Variants in ITPR1 observed in about 807,000 individuals in gnomAD.
ITPR1 encodes inositol 1,4,5-trisphosphate receptor type 1, also known as inositol 1,4,5-trisphosphate-gated calcium channel ITPR1.
ITPR1 carries 96 observed loss-of-function variants against 318.4 expected under a neutral mutation model. That is an observed-to-expected ratio of 0.30 (90% CI 0.26 to 0.36). ITPR1 has a LOEUF of 0.36. Among genes scored for constraint, ITPR1 ranks in the 10% least tolerant of loss-of-function variants. The pLI is 1.00. For missense variants in ITPR1, 2,440 were observed against 3,460.2 expected (o/e 0.71, Z 7.40); for synonymous variants, 1,312 against 1,289.9 (o/e 1.02, Z -0.37).
chr3:4,724,566 C>T (rs2042377572), intron 40 of ITPR1: 1 of 152,250 alleles, frequency 6.6e-6, no homozygotes, highest in African/African-American at 2.4e-5. Context: ...GACTACACCT[C>T]ACACTAGTCA....
intron 4 of ITPR1, among the ~76,000 whole-genome samples, chr3:4,563,396 C>G (rs1487410691): frequency 6.6e-6 from 1 of 152,110 alleles, no homozygotes; most frequent in Non-Finnish European, 1.5e-5. Flanking sequence ...GTGGTCCCAG[C>G]TACTCAGGAG....
intron 44 of ITPR1, among the ~76,000 whole-genome samples, chr3:4,757,928 G>A (rs2045134519): frequency 6.6e-6 from 1 of 152,144 alleles, no homozygotes; most frequent in African/African-American, 2.4e-5. Flanking sequence ...TTCAAGCTGG[G>A]CAGGAGTGGG....
chr3:4,741,792 G>A (rs1575087606), intron 44 of ITPR1, among the ~76,000 whole-genome samples: 2 of 152,162 alleles, frequency 1.3e-5, no homozygotes, highest in East Asian at 3.8e-4. Flanking sequence ...CCCTGAGGAG[G>A]AGGAAAAGAT....
chr3:4,573,995 A>T (rs1049799886), intron 4 of ITPR1, among the ~76,000 whole-genome samples: 1 of 152,208 alleles, frequency 6.6e-6, no homozygotes, highest in East Asian at 1.9e-4. Flanking sequence ...AGTGCGTAAA[A>T]TAATATTTTG....
chr3:4,526,740 A>C (rs1190036748), intron 4 of ITPR1, among the ~76,000 whole-genome samples: 1 of 152,208 alleles, frequency 6.6e-6, no homozygotes, highest in Non-Finnish European at 1.5e-5. Flanking sequence ...ACTTGCCCAT[A>C]GTCAGTTAAA....
intron 13 of ITPR1, among the ~76,000 whole-genome samples, chr3:4,659,406 C>T (rs756365356): frequency 7.9e-5 from 12 of 152,150 alleles, no homozygotes; most frequent in Admixed American, 2.0e-4. Context: ...TCAGGCCGGG[C>T]GCAGTGCCTC....
At chr3:4,646,684 GGA>G (rs1207947159) in intron 10 of ITPR1, among the ~76,000 whole-genome samples, 5 of 152,158 alleles carry the variant, frequency 3.3e-5, no homozygotes, top group Admixed American at 2.6e-4. Context: ...TTTGTTGTAA[GGA>G]GAGTCTAGAA....
intron 2 of ITPR1, among the ~76,000 whole-genome samples, chr3:4,496,861 C>G (rs774948706): frequency 1.9e-4 from 29 of 152,094 alleles, no homozygotes; most frequent in Non-Finnish European, 3.8e-4. Flanking sequence ...ATAAAACAAA[C>G]ACCAAATATG....
At chr3:4,609,081 T>C (rs1317410904) in intron 4 of ITPR1, among the ~76,000 whole-genome samples, 1,323 of 92,002 alleles carry the variant, frequency 0.014, 42 homozygotes, top group Middle Eastern at 0.039. Flanking sequence ...TATATATATA[T>C]ATATATATAC....
chr3:4,561,908 A>T (rs4685763), intron 4 of ITPR1, among the ~76,000 whole-genome samples: 68,711 of 151,854 alleles, frequency 0.45, 16,759 homozygotes, highest in East Asian at 0.62. Flanking sequence ...AATGATTTAG[A>T]CAAGTTGAAT....
chr3:4,707,477 A>G (rs1227713369), intron 37 of ITPR1, among the ~76,000 whole-genome samples: 1 of 152,226 alleles, frequency 6.6e-6, no homozygotes, highest in African/African-American at 2.4e-5. Flanking sequence ...GAGTGTGTGT[A>G]GAGAGAGACA....
chr3:4,806,384 G>C, intron 55 of ITPR1, 117 bp downstream of exon 55: 1 of 1,013,484 alleles, frequency 9.9e-7, no homozygotes, highest in Admixed American at 2.1e-5. Context: ...GGTCCACCAA[G>C]ATTGAAGCTC....
intron 2 of ITPR1, among the ~76,000 whole-genome samples, chr3:4,497,587 G>C (rs904830422): frequency 2.0e-4 from 30 of 152,190 alleles, no homozygotes; most frequent in Admixed American, 1.6e-3. Flanking sequence ...GGAGAAATTA[G>C]ATCCCTTGTG....
At chr3:4,784,673 G>C (rs2047060502) in intron 51 of ITPR1, among the ~76,000 whole-genome samples, 1 of 148,472 alleles carries the variant, frequency 6.7e-6, no homozygotes, top group Non-Finnish European at 1.5e-5. Flanking sequence ...TTGAGGTCAG[G>C]AGTTCAAGAC....
chr3:4,815,235 A>T lies in ITPR1; in HGVS notation c.7867+17A>T. 3 of 1,613,092 alleles carry T rather than the reference A, an allele frequency of 1.9e-6. No individual in the cohort carries two copies. The highest frequency in any genetic ancestry group is 2.5e-6 in the Non-Finnish European group (3 of 1,179,258). ...TTATCTGTGGTGAGTGTCGCTGGCC[A>T]GCTCCAGCAAGGGCGTGAAGGCCCA... is the stretch of plus-strand genomic sequence containing the variant. On this transcript the variant is annotated intron_variant, in intron 59 of 61. Transcript: ENST00000649015.
At chr3:4,626,276 A>G (rs2092825474) in intron 4 of ITPR1, among the ~76,000 whole-genome samples, 1 of 152,166 alleles carries the variant, frequency 6.6e-6, no homozygotes. Context: ...ACAAGTGGAA[A>G]GTAGAAGGTA....
chr3:4,693,732 C>T lies in ITPR1; in HGVS notation c.4272C>T (p.Cys1424=), dbSNP rs1205757855. 6.2e-7 allele frequency: 1 copy of T among 1,612,428 alleles called. No individual in the cohort carries two copies. Residue 1424 remains cysteine (C), a synonymous_variant, in exon 33 of 62, where the codon TGC becomes TGT. Transcript: ENST00000649015. ...TTCGCGTGGTGACCCACGAGGACTG[C>T]ATCCCTGAGGTGAGCGAGCCCAGCC... ...DIVRVVTHED[C]IPEVKIAYIN...
Position 4,615,734 on chromosome 3 carries a change from T to C in ITPR1, c.164-12029T>C, listed in dbSNP as rs147658585. Among the ~76,000 whole-genome samples the C allele has an allele frequency of 3.7e-3, 567 of 152,224 alleles. 6 individuals are homozygous for C. The highest frequency in any genetic ancestry group is 0.013 in the African/African-American group (546 of 41,540). On this transcript the variant is annotated intron_variant, in intron 4 of 61. Coordinates refer to ENST00000649015, the MANE Select transcript of ITPR1 (RefSeq NM_001378452.1). ...TAAGCTGATCCACATACAGTAATCA[T>C]TGTAAGTAGCTAAATAAAAGTTTAA... is the stretch of plus-strand genomic sequence containing the variant.
chr3:4,578,406 T>A (rs2088919192), intron 4 of ITPR1, among the ~76,000 whole-genome samples: 1 of 152,196 alleles, frequency 6.6e-6, no homozygotes, highest in Non-Finnish European at 1.5e-5. Flanking sequence ...TATAGGCCTC[T>A]GCATTCAAAT....
Sources: gnomAD v4.1 joint callset for allele counts (sites outside exome capture counted in the v4.1 genomes callset) on GRCh38, gnomAD v4.1.1 for gene constraint, MANE v1.5 for transcripts, NCBI Gene and HGNC (gene_info 2026-07-23, HGNC 2026-07-21) for gene names.